Variants in HSPA12A observed in about 807,000 individuals in gnomAD.
The protein encoded by HSPA12A is heat shock protein family A (Hsp70) member 12A, also known as heat shock 70 kDa protein 12A.
HSPA12A carries 28 observed loss-of-function variants against 69.2 expected under a neutral mutation model. That is an observed-to-expected ratio of 0.40 (90% CI 0.30 to 0.55). HSPA12A has a LOEUF of 0.55. Ranked by LOEUF, HSPA12A falls within the 20% of genes least tolerant of loss-of-function variation. The pLI is 0.38. For synonymous variants in HSPA12A, 345 were observed against 370.5 expected (o/e 0.93, Z 0.79); for missense variants, 686 against 900.7 (o/e 0.76, Z 3.05).
chr10:116,751,400 T>C (rs1280562381), intron 2 of HSPA12A: 1 of 152,954 alleles, frequency 6.5e-6, no homozygotes, highest in Non-Finnish European at 1.5e-5. Flanking sequence ...CAATGTACAT[T>C]TTGCATTATT....
rs759055593 is a variant in HSPA12A, at chr10:116,722,642, T to A, written c.41-15357A>T. On this transcript the variant is annotated intron_variant, in intron 1 of 11. Transcript: ENST00000369209. ...CCTGTCCTGAGCCCTCCTCTGCCCA[T>A]CCCTACCCAGCTGTCATCAGTCTTA... Among the ~76,000 whole-genome samples the A allele has an allele frequency of 3.3e-5, 5 of 152,104 alleles. No homozygotes were observed. The East Asian group carries it at 9.6e-4, about 29-fold the overall frequency.
chr10:116,839,416 G>A (rs1002049023), intron 1 of HSPA12A, among the ~76,000 whole-genome samples: 3 of 151,944 alleles, frequency 2.0e-5, no homozygotes, highest in Non-Finnish European at 2.9e-5. Context: ...AAGTCACAAA[G>A]CACTAAGTAG....
chr10:116,797,573 C>G (rs951119002), intron 2 of HSPA12A, among the ~76,000 whole-genome samples: 1 of 152,166 alleles, frequency 6.6e-6, no homozygotes, highest in Admixed American at 6.5e-5. Context: ...TCTCCTGCCT[C>G]CAAATGCAGT....
intron 1 of HSPA12A, among the ~76,000 whole-genome samples, chr10:116,717,391 C>T (rs931730899): frequency 2.6e-5 from 4 of 152,228 alleles, no homozygotes; most frequent in Admixed American, 2.6e-4. Context: ...CTGGCTGTCT[C>T]TGTCTGCAGG....
chr10:116,741,429 C>G (rs1453375882), intron 1 of HSPA12A, among the ~76,000 whole-genome samples: 1 of 152,240 alleles, frequency 6.6e-6, no homozygotes, highest in Non-Finnish European at 1.5e-5. Context: ...TCCTCGCAGG[C>G]GGCTTGCCTG....
At chr10:116,756,862 G>A (rs1018778238) in intron 2 of HSPA12A, among the ~76,000 whole-genome samples, 1 of 152,256 alleles carries the variant, frequency 6.6e-6, no homozygotes, top group Admixed American at 6.5e-5. Flanking sequence ...TGAATTGAGG[G>A]TGGGCCAGTC....
chr10:116,819,125 C>T (rs976171814), intron 2 of HSPA12A, among the ~76,000 whole-genome samples: 3 of 152,140 alleles, frequency 2.0e-5, no homozygotes, highest in African/African-American at 4.8e-5. Context: ...CCCTGTGTCC[C>T]GTGACACCCT....
At position 116,705,297 on chromosome 10, in the gene HSPA12A, G is replaced by A; in HGVS notation, c.127-19C>T. ...TGTCGTTCTGCAGATATACAGTGAG[G>A]CATGGGGGGTGTGGAGGGGTGGGCC... On this transcript the variant is annotated intron_variant, in intron 2 of 11. Coordinates refer to ENST00000369209, the MANE Select transcript of HSPA12A (RefSeq NM_025015.3). The A allele has an allele frequency of 6.2e-7, 1 of 1,613,902 alleles. No homozygotes were observed.
chr10:116,850,022 C>A, upstream of HSPA12A: 1 of 557,614 alleles, frequency 1.8e-6, no homozygotes. Context: ...TCCTCGCTGC[C>A]TAAGAGGCCT....
At chr10:116,848,429 C>T (rs1170200034) in intron 1 of HSPA12A, among the ~76,000 whole-genome samples, 2 of 152,226 alleles carry the variant, frequency 1.3e-5, no homozygotes, top group Non-Finnish European at 2.9e-5. Context: ...CTTTCTCACT[C>T]ACTTCCTCAT....
chr10:116,845,459 C>T (rs765089900), intron 1 of HSPA12A, among the ~76,000 whole-genome samples: 1 of 152,126 alleles, frequency 6.6e-6, no homozygotes, highest in Non-Finnish European at 1.5e-5. Context: ...TACACGCCTT[C>T]CAATGCAGTT....
intron 2 of HSPA12A, among the ~76,000 whole-genome samples, chr10:116,806,552 G>A (rs866359900): frequency 3.9e-4 from 53 of 134,944 alleles, no homozygotes; most frequent in Middle Eastern, 3.8e-3. Context: ...GTGAAACAGA[G>A]CTCTCAGAAG....
chr10:116,757,364 C>G (rs1436096134), intron 2 of HSPA12A, among the ~76,000 whole-genome samples: 3 of 152,192 alleles, frequency 2.0e-5, no homozygotes, highest in Non-Finnish European at 4.4e-5. Context: ...AGTGACAGGG[C>G]TGATGATCAA....
intron 2 of HSPA12A, among the ~76,000 whole-genome samples, chr10:116,773,386 G>A (rs548817855): frequency 7.2e-5 from 11 of 152,358 alleles, no homozygotes; most frequent in African/African-American, 2.6e-4. Context: ...GGTACCCCCA[G>A]GCAACAACAG....
intron 1 of HSPA12A, among the ~76,000 whole-genome samples, chr10:116,718,391 G>C (rs1272723751): frequency 2.0e-5 from 3 of 152,214 alleles, no homozygotes; most frequent in African/African-American, 7.2e-5. Flanking sequence ...TCATGAGAGA[G>C]AGATACACCA....
intron 2 of HSPA12A, among the ~76,000 whole-genome samples, chr10:116,800,681 T>C (rs1809517479): frequency 6.6e-6 from 1 of 152,184 alleles, no homozygotes; most frequent in Non-Finnish European, 1.5e-5. Flanking sequence ...AATGGGGTCC[T>C]TTACAGAGTG....
chr10:116,821,305 C>T (rs1845406082), intron 2 of HSPA12A, among the ~76,000 whole-genome samples: 1 of 152,190 alleles, frequency 6.6e-6, no homozygotes, highest in African/African-American at 2.4e-5. Context: ...TGCTCTAACA[C>T]ACAAGGCACC....
chr10:116,750,127 T>C lies in HSPA12A; in HGVS notation c.92-42842A>G, dbSNP rs1366383820. 5 of 562,364 alleles carry C rather than the reference T, an allele frequency of 8.9e-6. No individual in the cohort carries two copies. In the Admixed American group the frequency reaches 9.5e-5, roughly 11 times the overall value. 34.8% of individuals were successfully genotyped at this position (562,364 alleles called of 1,614,324 possible). ...GTATGGAAGGGGATATGATAATGTG[T>C]GTACCTTATGCTCATGAGCTACCAA... On this transcript the variant is annotated intron_variant, in intron 2 of 12. Coordinates refer to the HSPA12A transcript ENST00000635765.
intron 7 of HSPA12A, among the ~76,000 whole-genome samples, chr10:116,682,867 A>AGTTTTTTTTTTTTTT (rs1849456797): frequency 8.5e-6 from 1 of 117,728 alleles, no homozygotes; most frequent in African/African-American, 3.5e-5. Flanking sequence ...CGCCCGGCTA[A>AGTTTTTTTTTTTTTT]TTTTTTTTTT....
Sources: allele counts gnomAD v4.1 joint callset (sites outside exome capture counted in the v4.1 genomes callset), GRCh38; gene constraint gnomAD v4.1.1; transcripts MANE v1.5; gene names NCBI Gene and HGNC (gene_info 2026-07-23, HGNC 2026-07-21).